Variants in UPRT observed in about 807,000 individuals in gnomAD.
UPRT encodes the protein uracil phosphoribosyltransferase homolog.
UPRT carries 5 observed loss-of-function variants against 22.6 expected under a neutral mutation model. The observed-to-expected ratio is 0.22, with a 90% confidence interval of 0.12 to 0.47. UPRT has a LOEUF of 0.47. UPRT is among the 20% of genes least tolerant of loss of function. The probability of loss-of-function intolerance (pLI) is 0.99; values close to 1 mark genes in which losing one functional copy is unlikely to be tolerated. For missense variants in UPRT, 181 were observed against 239.9 expected (o/e 0.75, Z 1.62); for synonymous variants, 77 against 87.7 (o/e 0.88, Z 0.68).
intron 4 of UPRT, among the ~76,000 whole-genome samples, chrX:75,249,238 G>T (rs980422776): frequency 3.6e-5 from 4 of 111,636 alleles, no homozygotes; most frequent in Non-Finnish European, 7.5e-5. Flanking sequence ...TGGGCTAAAT[G>T]CTCCAATTAA....
chrX:75,260,004 C>T (rs892067052), intron 4 of UPRT, among the ~76,000 whole-genome samples: 1 of 111,771 alleles, frequency 8.9e-6, no homozygotes, highest in African/African-American at 3.3e-5. Flanking sequence ...TCCAGCCAAA[C>T]TAAGCTTCAT....
intron 1 of UPRT, among the ~76,000 whole-genome samples, chrX:75,276,623 C>G (rs1025452798): frequency 2.7e-5 from 3 of 111,604 alleles, no homozygotes; most frequent in African/African-American, 9.8e-5. Context: ...CTTCGACTCC[C>G]TCGTACCAGT....
chrX:75,170,769 C>A (rs1402942817), intron 4 of UPRT, among the ~76,000 whole-genome samples: 1 of 110,775 alleles, frequency 9.0e-6, no homozygotes, highest in Admixed American at 9.6e-5. Flanking sequence ...GTAGTGCTGG[C>A]TTGGTAGTGG....
intron 4 of UPRT, 112 bp from the exon 5 acceptor site, chrX:75,299,623 T>C (rs757173078): frequency 4.2e-4 from 331 of 794,638 alleles, no homozygotes; most frequent in Admixed American, 5.7e-4. Context: ...AATAATTATT[T>C]TCATCTTCCT....
At chrX:75,237,702 A>C (rs1403668863) in intron 4 of UPRT, among the ~76,000 whole-genome samples, 1 of 106,124 alleles carries the variant, frequency 9.4e-6, no homozygotes, top group Non-Finnish European at 1.9e-5. Context: ...GCAAGAACAA[A>C]AAACCAAACA....
intron 4 of UPRT, among the ~76,000 whole-genome samples, chrX:75,229,478 C>T (rs751126156): frequency 1.8e-4 from 20 of 111,951 alleles, no homozygotes; most frequent in Non-Finnish European, 2.8e-4. Context: ...TGAGAGAATT[C>T]GCAGACCCTT....
chrX:75,234,627 G>C (rs1330611196), intron 4 of UPRT, among the ~76,000 whole-genome samples: 1 of 111,662 alleles, frequency 9.0e-6, no homozygotes, highest in African/African-American at 3.3e-5. Flanking sequence ...TCAGGATTAA[G>C]AAACTCACTC....
At chrX:75,243,054 TTTTC>T (rs1162934835) in intron 4 of UPRT, among the ~76,000 whole-genome samples, 1 of 111,546 alleles carries the variant, frequency 9.0e-6, no homozygotes, top group East Asian at 2.8e-4. Flanking sequence ...TCTCATTTTT[TTTTC>T]TTTATTTGGT....
intron 4 of UPRT, among the ~76,000 whole-genome samples, chrX:75,248,159 C>G (rs1460607233): frequency 8.9e-6 from 1 of 111,857 alleles, no homozygotes; most frequent in Non-Finnish European, 1.9e-5. Flanking sequence ...CAGAACACCT[C>G]TCCTCCTCCA....
In UPRT at chrX:75,233,359, T is replaced by C. The variant is rs189309434; in HGVS notation, c.-446-57665T>C. ...AGAATGGAACCAAGTTGGAAAACAC[T>C]CTGCAGGATATTCTCCATGAGAACT... On this transcript the variant is annotated intron_variant, in intron 4 of 13. Transcript: ENST00000652605. 6.5e-3 allele frequency among the ~76,000 whole-genome samples: 722 copies of C among 111,338 alleles called. 1 individual carries two copies. Among genetic ancestry groups the C allele is most frequent in the Non-Finnish European group, 0.01 (535 of 53,050 alleles).
At chrX:75,205,383 C>CAAAAAAAAA (rs55819232) in intron 4 of UPRT, among the ~76,000 whole-genome samples, 2 of 38,147 alleles carry the variant, frequency 5.2e-5, no homozygotes, top group African/African-American at 1.3e-4. Flanking sequence ...GACTCCGTCT[C>CAAAAAAAAA]AAAAAAAAAA....
chrX:75,249,572 G>A (rs1223359873), intron 4 of UPRT, among the ~76,000 whole-genome samples: 8 of 111,153 alleles, frequency 7.2e-5, no homozygotes, highest in Non-Finnish European at 1.5e-4. Flanking sequence ...AGTCCTTAGT[G>A]ACCTACAAAG....
At chrX:75,172,860 C>T (rs1602436643) in intron 4 of UPRT, among the ~76,000 whole-genome samples, 1 of 110,993 alleles carries the variant, frequency 9.0e-6, no homozygotes, top group African/African-American at 3.3e-5. Context: ...ATAAAAGCAG[C>T]GTGGACCTAA....
intron 4 of UPRT, among the ~76,000 whole-genome samples, chrX:75,248,531 C>G (rs1329141849): frequency 8.9e-6 from 1 of 111,788 alleles, no homozygotes; most frequent in Non-Finnish European, 1.9e-5. Flanking sequence ...AAGAAATGAA[C>G]AAAGCCTCCA....
chrX:75,287,916 A>G (rs1266952679), intron 1 of UPRT, among the ~76,000 whole-genome samples: 1 of 111,392 alleles, frequency 9.0e-6, no homozygotes, highest in Non-Finnish European at 1.9e-5. Context: ...AACAAAATCG[A>G]TAGACCATTA....
chrX:75,299,942 TC>T (rs2082738603), intron 5 of UPRT, 46 bp downstream of exon 5: 1 of 1,170,344 alleles, frequency 8.5e-7, no homozygotes, highest in Non-Finnish European at 1.2e-6. Flanking sequence ...GGGTTTAAAT[TC>T]AACTTAGTGC....
chrX:75,229,837 T>A (rs1389562512), intron 4 of UPRT, among the ~76,000 whole-genome samples: 1 of 111,993 alleles, frequency 8.9e-6, no homozygotes, highest in Non-Finnish European at 1.9e-5. Context: ...AGGTCCTAGC[T>A]GAACTTCTGT....
intron 2 of UPRT, among the ~76,000 whole-genome samples, chrX:75,161,020 C>CA (rs1006736508): frequency 2.7e-5 from 3 of 112,327 alleles, no homozygotes; most frequent in African/African-American, 9.7e-5. Flanking sequence ...AACACATACA[C>CA]ACATGTTTAT....
intron 4 of UPRT, among the ~76,000 whole-genome samples, chrX:75,260,336 C>T (rs2082563656): frequency 8.9e-6 from 1 of 112,085 alleles, no homozygotes; most frequent in African/African-American, 3.2e-5. Flanking sequence ...CAAGACCCAT[C>T]AGTGTGCTGT....
Sources: gnomAD v4.1 joint callset for allele counts (sites outside exome capture counted in the v4.1 genomes callset) on GRCh38, gnomAD v4.1.1 for gene constraint, MANE v1.5 for transcripts, NCBI Gene and HGNC (gene_info 2026-07-23, HGNC 2026-07-21) for gene names.